The following CACNA2D1 variants were observed in gnomAD, a reference collection of about 807,000 sequenced individuals.
The protein encoded by CACNA2D1 is calcium voltage-gated channel auxiliary subunit alpha2delta 1.
A neutral mutation model predicts 171.5 loss-of-function variants in CACNA2D1; 53 were observed. The observed-to-expected ratio is 0.31, with a 90% CI of 0.25 to 0.39. CACNA2D1 has a LOEUF of 0.39. Ranked by LOEUF, CACNA2D1 falls within the 10% of genes least tolerant of loss-of-function variation. The pLI is 1.00. For synonymous variants in CACNA2D1, 442 were observed against 443.1 expected (o/e 1.00, Z 0.03); for missense variants, 903 against 1,299.8 (o/e 0.69, Z 4.69).
chr7:82,308,838 T>G (rs1814062311), intron 3 of CACNA2D1, among the ~76,000 whole-genome samples: 1 of 152,238 alleles, frequency 6.6e-6, no homozygotes, highest in Non-Finnish European at 1.5e-5. Context: ...GACAGAAATT[T>G]TCTCTCTTAA....
At chr7:82,116,086 A>G (rs944130199) in intron 6 of CACNA2D1, among the ~76,000 whole-genome samples, 1 of 152,190 alleles carries the variant, frequency 6.6e-6, no homozygotes, top group Admixed American at 6.5e-5. Flanking sequence ...CCGCGTCTCA[A>G]TTAAGAGGAA....
intron 6 of CACNA2D1, among the ~76,000 whole-genome samples, chr7:82,114,175 C>T (rs909411146): frequency 6.6e-6 from 1 of 151,754 alleles, no homozygotes; most frequent in Non-Finnish European, 1.5e-5. Context: ...TATATGTATG[C>T]CTATGTAAAC....
At chr7:81,995,122 T>C (rs768739312) in intron 19 of CACNA2D1, among the ~76,000 whole-genome samples, 183 bp from the exon 20 acceptor site, 4 of 152,182 alleles carry the variant, frequency 2.6e-5, no homozygotes, top group South Asian at 2.1e-4. Flanking sequence ...TACCATATTA[T>C]AGTCATTTTA....
intron 29 of CACNA2D1, among the ~76,000 whole-genome samples, chr7:81,968,221 AG>A (rs1011367203): frequency 9.2e-5 from 14 of 151,640 alleles, no homozygotes; most frequent in African/African-American, 3.4e-4. Flanking sequence ...AGGAGCAGGA[AG>A]GCTCAAAATA....
At chr7:82,351,861 C>T (rs1215224795) in intron 1 of CACNA2D1, among the ~76,000 whole-genome samples, 2 of 152,090 alleles carry the variant, frequency 1.3e-5, no homozygotes, top group African/African-American at 2.4e-5. Context: ...AGGTGCTGAA[C>T]AAGTCCTAGA....
At chr7:82,077,092 G>A (rs907684124) in intron 7 of CACNA2D1, among the ~76,000 whole-genome samples, 2 of 152,096 alleles carry the variant, frequency 1.3e-5, no homozygotes, top group Admixed American at 6.6e-5. Context: ...AATTTAAGAT[G>A]TATTTAATTT....
chr7:81,954,729 T>C (rs996643295), intron 38 of CACNA2D1, among the ~76,000 whole-genome samples: 2 of 152,166 alleles, frequency 1.3e-5, no homozygotes, highest in African/African-American at 4.8e-5. Context: ...TCCTTCAAAA[T>C]GCAAATCGCT....
chr7:82,066,105 A>G (rs767699955), intron 8 of CACNA2D1, among the ~76,000 whole-genome samples: 1 of 152,104 alleles, frequency 6.6e-6, no homozygotes, highest in Non-Finnish European at 1.5e-5. Context: ...CCAGAGGCAA[A>G]TTATCTCCTA....
At chr7:82,324,824 T>C (rs1051705446) in intron 3 of CACNA2D1, among the ~76,000 whole-genome samples, 31 of 152,194 alleles carry the variant, frequency 2.0e-4, no homozygotes, top group Admixed American at 9.8e-4. Flanking sequence ...AGAGCGTTTT[T>C]ATATCAACCT....
intron 3 of CACNA2D1, among the ~76,000 whole-genome samples, chr7:82,295,341 A>AT (rs10645184): frequency 0.052 from 7,591 of 145,752 alleles, 322 homozygotes; most frequent in Admixed American, 0.1. Flanking sequence ...AGTAGCTTGT[A>AT]TTTTTTTTTT....
intron 3 of CACNA2D1, among the ~76,000 whole-genome samples, chr7:82,218,327 G>C (rs751740305): frequency 6.6e-6 from 1 of 152,146 alleles, no homozygotes; most frequent in African/African-American, 2.4e-5. Flanking sequence ...AGGTACATAA[G>C]GAGGCTCGCT....
At chr7:82,005,603 G>C in intron 17 of CACNA2D1, 106 bp from the exon 18 acceptor site, 1 of 870,452 alleles carries the variant, frequency 1.1e-6, no homozygotes, top group Non-Finnish European at 1.9e-6. Context: ...ATAGCATGTT[G>C]AAAGATAACA....
chr7:82,349,780 G>T (rs1329798192), intron 1 of CACNA2D1, 131 bp from the exon 2 acceptor site: 4 of 756,546 alleles, frequency 5.3e-6, no homozygotes, highest in Non-Finnish European at 9.3e-6. Context: ...TCCTAGCACC[G>T]ACTATGTCCA....
At chr7:82,413,552 G>GA (rs1230635914) in intron 1 of CACNA2D1, among the ~76,000 whole-genome samples, 1 of 152,192 alleles carries the variant, frequency 6.6e-6, no homozygotes, top group Non-Finnish European at 1.5e-5. Flanking sequence ...ATACTTGGCA[G>GA]AAAAACATTT....
intron 19 of CACNA2D1, among the ~76,000 whole-genome samples, chr7:81,995,798 C>CAAAAAAAAA (rs59979323): frequency 3.4e-4 from 35 of 101,528 alleles, no homozygotes; most frequent in African/African-American, 1.1e-3. Flanking sequence ...GACTCCACCT[C>CAAAAAAAAA]AAAAAAAAAA....
intron 1 of CACNA2D1, 93 bp from the exon 2 acceptor site, chr7:82,349,742 T>C (rs1334586078): frequency 2.0e-6 from 2 of 994,162 alleles, no homozygotes; most frequent in African/African-American, 3.2e-5. Flanking sequence ...GATAATTCAT[T>C]AAAATGCCCT....
At chr7:82,347,872 C>T (rs1369305812) in intron 2 of CACNA2D1, among the ~76,000 whole-genome samples, 3 of 152,134 alleles carry the variant, frequency 2.0e-5, no homozygotes, top group African/African-American at 7.2e-5. Flanking sequence ...TATCTATACT[C>T]TTCTTAGTAA....
chr7:82,354,693 G>A (rs1820222987), intron 1 of CACNA2D1, among the ~76,000 whole-genome samples: 1 of 152,110 alleles, frequency 6.6e-6, no homozygotes, highest in African/African-American at 2.4e-5. Flanking sequence ...TAAGGACTTG[G>A]CACTATACCG....
At chr7:82,221,846 C>A (rs1429690232) in intron 3 of CACNA2D1, among the ~76,000 whole-genome samples, 1 of 148,742 alleles carries the variant, frequency 6.7e-6, no homozygotes. Flanking sequence ...AAAATATTTT[C>A]TATAATATTT....
Sources: gnomAD v4.1 joint callset for allele counts (sites outside exome capture counted in the v4.1 genomes callset) on GRCh38, gnomAD v4.1.1 for gene constraint, MANE v1.5 for transcripts, NCBI Gene and HGNC (gene_info 2026-07-23, HGNC 2026-07-21) for gene names.